ARHGAP24: variants seen among roughly 807,000 people sequenced by gnomAD.
The protein encoded by ARHGAP24 is rho GTPase-activating protein 24.
Under a neutral mutation model 76.4 loss-of-function variants are expected in ARHGAP24, and 50 were observed. The observed-to-expected ratio is 0.65, with a 90% CI of 0.52 to 0.83. The LOEUF is 0.83. Among genes scored for constraint, ARHGAP24 ranks in the 40% least tolerant of loss-of-function variants. ARHGAP24 has a pLI of 0.00. For missense variants in ARHGAP24, 930 were observed against 914.2 expected, an observed-to-expected ratio of 1.02 and a Z score of -0.22; for synonymous variants, 345 against 323.3, an observed-to-expected ratio of 1.07 and a Z score of -0.72.
chr4:85,549,319 A>G (rs1430924245), intron 1 of ARHGAP24, among the ~76,000 whole-genome samples: 2 of 150,378 alleles, frequency 1.3e-5, no homozygotes, highest in Non-Finnish European at 3.0e-5. Flanking sequence ...AACATTTGGT[A>G]TTGTCAGTCT....
intron 3 of ARHGAP24, among the ~76,000 whole-genome samples, chr4:85,787,205 G>T (rs1288580667): frequency 1.3e-5 from 2 of 152,164 alleles, no homozygotes; most frequent in Admixed American, 6.5e-5. Flanking sequence ...CTAACAAGAG[G>T]ATATGAGCTT....
chr4:85,650,894 G>A (rs1721915320), intron 2 of ARHGAP24, among the ~76,000 whole-genome samples: 1 of 149,456 alleles, frequency 6.7e-6, no homozygotes, highest in Non-Finnish European at 1.5e-5. Flanking sequence ...AGTGCAAATT[G>A]GGCATTGGCA....
chr4:85,636,681 A>G (rs1323715069), intron 2 of ARHGAP24, among the ~76,000 whole-genome samples: 1 of 151,962 alleles, frequency 6.6e-6, no homozygotes, highest in Non-Finnish European at 1.5e-5. Flanking sequence ...GAAATAACAC[A>G]ATTTGGAATT....
rs188780259 is a variant in ARHGAP24, at chr4:85,564,497, A to T, written c.-20-6025A>T. Reference sequence around the variant, plus strand: ...CATGGCACATGTATACATATGTAACAAACCTGCATGTTGTGCACATGGATC... The same window carrying T: ...CATGGCACATGTATACATATGTAACTAACCTGCATGTTGTGCACATGGATC... On this transcript the variant is annotated intron_variant, in intron 1 of 9. Transcript: ENST00000395184. 5.5e-3 allele frequency among the ~76,000 whole-genome samples: 838 copies of T among 152,052 alleles called. 5 individuals are homozygous for T. The highest frequency in any genetic ancestry group is 8.8e-3 in the Non-Finnish European group (597 of 67,978).
chr4:85,545,202 C>T (rs778268425), intron 1 of ARHGAP24, among the ~76,000 whole-genome samples: 3 of 152,050 alleles, frequency 2.0e-5, no homozygotes, highest in East Asian at 1.9e-4. Context: ...TGGGTTCAAG[C>T]GATTCTCCTG....
chr4:85,787,081 G>A (rs1480490701), intron 3 of ARHGAP24, among the ~76,000 whole-genome samples: 5 of 152,180 alleles, frequency 3.3e-5, no homozygotes, highest in African/African-American at 9.7e-5. Flanking sequence ...TTGGGGTCCA[G>A]TATTGCTCTG....
At chr4:85,875,773 G>T (rs1402558006) in intron 3 of ARHGAP24, among the ~76,000 whole-genome samples, 1 of 146,338 alleles carries the variant, frequency 6.8e-6, no homozygotes, top group African/African-American at 2.5e-5. Context: ...ACAGAATATC[G>T]CTCTGTTGTC....
intron 2 of ARHGAP24, among the ~76,000 whole-genome samples, chr4:85,673,010 C>A (rs1348463557): frequency 1.3e-5 from 2 of 152,152 alleles, no homozygotes; most frequent in Non-Finnish European, 2.9e-5. Flanking sequence ...CTTTTCTGAA[C>A]TTGGGAGAGT....
intron 1 of ARHGAP24, among the ~76,000 whole-genome samples, chr4:85,527,322 T>G (rs1227473431): frequency 6.6e-6 from 1 of 152,148 alleles, no homozygotes; most frequent in Non-Finnish European, 1.5e-5. Context: ...ATTATCAAAC[T>G]GTTTTGGATG....
chr4:85,928,019 A>G (rs2148814920), intron 4 of ARHGAP24, among the ~76,000 whole-genome samples: 1 of 152,318 alleles, frequency 6.6e-6, no homozygotes, highest in South Asian at 2.1e-4. Flanking sequence ...TAAAATACTC[A>G]TATGGGGCAG....
intron 1 of ARHGAP24, among the ~76,000 whole-genome samples, chr4:85,543,977 T>C (rs1447132082): frequency 6.6e-6 from 1 of 152,188 alleles, no homozygotes; most frequent in African/African-American, 2.4e-5. Context: ...CAGTTGATGA[T>C]GTAATTTTTC....
chr4:85,563,810 G>A (rs1726693267), intron 1 of ARHGAP24, among the ~76,000 whole-genome samples: 1 of 152,192 alleles, frequency 6.6e-6, no homozygotes, highest in South Asian at 2.1e-4. Context: ...TCACAGCTGA[G>A]CCAATGTAGA....
At chr4:85,792,008 A>G (rs1432140018) in intron 3 of ARHGAP24, among the ~76,000 whole-genome samples, 1 of 152,130 alleles carries the variant, frequency 6.6e-6, no homozygotes, top group Non-Finnish European at 1.5e-5. Context: ...AGCAAAAACG[A>G]TACTGAAAAA....
chr4:85,989,281 G>T (rs1334154363), intron 8 of ARHGAP24, among the ~76,000 whole-genome samples: 3 of 151,472 alleles, frequency 2.0e-5, no homozygotes, highest in Non-Finnish European at 4.4e-5. Context: ...CCAAGAAATT[G>T]GGCAATGGAG....
intron 3 of ARHGAP24, among the ~76,000 whole-genome samples, chr4:85,797,158 TTTG>T (rs1458616287): frequency 8.1e-6 from 1 of 123,502 alleles, no homozygotes; most frequent in African/African-American, 3.0e-5. Context: ...AAAAATTTTT[TTTG>T]TTTTTTTTTT....
intron 8 of ARHGAP24, chr4:85,990,810 A>G (rs183411541): frequency 2.0e-5 from 3 of 152,134 alleles, no homozygotes; most frequent in African/African-American, 7.2e-5. Flanking sequence ...AGTTAAAAGT[A>G]TAAGATATAT....
At chr4:85,573,962 T>C (rs548649293) in intron 2 of ARHGAP24, among the ~76,000 whole-genome samples, 16 of 152,350 alleles carry the variant, frequency 1.1e-4, no homozygotes, top group African/African-American at 3.6e-4. Context: ...AGAATGTCCA[T>C]GGTCTTCATA....
rs560065036 is a variant in ARHGAP24, at chr4:85,998,880, A to G, written c.2004-1599A>G. Among the ~76,000 whole-genome samples the G allele has an allele frequency of 7.2e-4, 110 of 152,318 alleles. 1 individual carries two copies. Among genetic ancestry groups the G allele is most frequent in the Non-Finnish European group, 1.3e-3 (88 of 68,020 alleles). ...GTCCCCATGTGAAAAAGAAAAACCT[A>G]GACCCAAGCTCTGTGGCCTCTATCC... On this transcript the variant is annotated intron_variant, in intron 9 of 9. Coordinates refer to ENST00000395184, the MANE Select transcript of ARHGAP24 (RefSeq NM_001025616.3).
At chr4:85,939,648 G>A (rs1736843659) in intron 4 of ARHGAP24, among the ~76,000 whole-genome samples, 4 of 152,074 alleles carry the variant, frequency 2.6e-5, no homozygotes, top group African/African-American at 9.7e-5. Context: ...AAAGGAAACC[G>A]AATTCACGTC....
Sources: gnomAD v4.1 joint callset for allele counts (sites outside exome capture counted in the v4.1 genomes callset) on GRCh38, gnomAD v4.1.1 for gene constraint, MANE v1.5 for transcripts, NCBI Gene and HGNC (gene_info 2026-07-23, HGNC 2026-07-21) for gene names.